Variants in FSD1L observed in about 807,000 individuals in gnomAD.
FSD1L encodes the protein fibronectin type III and SPRY domain containing 1 like.
FSD1L carries 45 observed loss-of-function variants against 71.6 expected under a neutral mutation model. That is an observed-to-expected ratio of 0.63 (90% CI 0.49 to 0.81). The LOEUF (loss-of-function observed/expected upper bound fraction) is 0.81, where lower values mean the gene tolerates loss of function less well. FSD1L is among the 30% of genes least tolerant of loss of function. The pLI is 0.00. For missense variants in FSD1L, 561 were observed against 618.1 expected, an observed-to-expected ratio of 0.91 and a Z score of 0.98; for synonymous variants, 197 against 207.2, an observed-to-expected ratio of 0.95 and a Z score of 0.42.
chr9:105,449,533 C>T (rs7847338), intron 1 of FSD1L, among the ~76,000 whole-genome samples: 5,350 of 152,242 alleles, frequency 0.035, 307 homozygotes, highest in African/African-American at 0.12. Flanking sequence ...ATGCTATTTA[C>T]TAGCTCTGTG....
At chr9:105,496,806 C>G (rs1397219754) in intron 7 of FSD1L, among the ~76,000 whole-genome samples, 3 of 152,216 alleles carry the variant, frequency 2.0e-5, no homozygotes, top group African/African-American at 7.2e-5. Context: ...CCTAGATGAT[C>G]ATGTTGTTTG....
upstream of FSD1L, chr9:105,447,966 C>A (rs946988880): frequency 2.0e-5 from 11 of 539,962 alleles, no homozygotes; most frequent in African/African-American, 2.2e-4. Flanking sequence ...ACGGCTACTT[C>A]CCGGGAGCAG....
intron 3 of FSD1L, among the ~76,000 whole-genome samples, chr9:105,464,996 G>T (rs981607984): frequency 6.6e-6 from 1 of 151,956 alleles, no homozygotes; most frequent in Admixed American, 6.6e-5. Flanking sequence ...AAAAGAAAAT[G>T]TTATTGGTAA....
At position 105,448,220 on chromosome 9, in the gene FSD1L, C is replaced by G. The variant is rs905493669; in HGVS notation, c.-1C>G. The G allele has an allele frequency of 2.3e-5, 35 of 1,537,434 alleles. No homozygotes were observed. Among genetic ancestry groups the G allele is most frequent in the Non-Finnish European group, 3.0e-5 (34 of 1,139,912 alleles). On this transcript the variant is annotated 5_prime_UTR_variant, in exon 1 of 14. Coordinates refer to ENST00000481272, the MANE Select transcript of FSD1L (RefSeq NM_001145313.3). ...GAGCCCAGTGGGCTTAGCCACTCGC[C>G]ATGGACTCCCAGAAAGTAAGCGGGG... is the stretch of plus-strand genomic sequence containing the variant.
chr9:105,468,183 T>TTGTTC lies in FSD1L; in HGVS notation c.208-9_208-8insGTTCT. ...TTCAGTAAAATTGTTTTGTTTTGTT[T>TTGTTC]TTTAAACAGGAAAATTCGTCCAACA... is the stretch of plus-strand genomic sequence containing the variant. On this transcript the variant is annotated splice_polypyrimidine_tract_variant and intron_variant, in intron 3 of 13. Transcript: ENST00000481272. 1.5e-6 allele frequency: 2 copies of TTGTTC among 1,379,212 alleles called. No individual in the cohort carries two copies. Among genetic ancestry groups the TTGTTC allele is most frequent in the East Asian group, 6.2e-5 (2 of 32,458 alleles). The allele number at this position is 1,379,212 out of a possible 1,614,324, so 85.4% of individuals were successfully genotyped here.
rs1363446990 is a variant in FSD1L at position 105,530,604 on chromosome 9, G to A, written c.1026-3889G>A. Reference sequence around the variant, plus strand: ...AAATTTTTCTCTTTATTTGTATGACGTTCACTTTCTATTTGTTGCCCTGAG... The same window carrying A: ...AAATTTTTCTCTTTATTTGTATGACATTCACTTTCTATTTGTTGCCCTGAG... On this transcript the variant is annotated intron_variant, in intron 10 of 13. Transcript: ENST00000481272. 8.7e-6 allele frequency: 6 copies of A among 688,812 alleles called. No individual in the cohort carries two copies. In the African/African-American group the frequency reaches 8.9e-5, roughly 10 times the overall value. 42.7% of individuals were successfully genotyped at this position (688,812 alleles called of 1,614,324 possible). A position where few individuals can be genotyped will look rare whatever the true frequency, so the allele number is the denominator to read the frequency against.
intron 7 of FSD1L, among the ~76,000 whole-genome samples, chr9:105,496,859 C>T (rs1833443601): frequency 6.6e-6 from 1 of 152,108 alleles, no homozygotes; most frequent in African/African-American, 2.4e-5. Flanking sequence ...ACCTGAATAC[C>T]TTGTATTGTC....
At chr9:105,477,392 G>C (rs761139959) in intron 5 of FSD1L, among the ~76,000 whole-genome samples, 1 of 152,194 alleles carries the variant, frequency 6.6e-6, no homozygotes, top group Non-Finnish European at 1.5e-5. Flanking sequence ...AATTCACCCA[G>C]GCATGATCAG....
intron 10 of FSD1L, chr9:105,524,173 A>C: frequency 6.2e-7 from 1 of 1,612,262 alleles, no homozygotes; most frequent in Non-Finnish European, 8.5e-7. Flanking sequence ...GAACTAGTCC[A>C]TGAGTCTCAT....
intron 3 of FSD1L, among the ~76,000 whole-genome samples, chr9:105,466,569 T>C (rs1295389480): frequency 6.6e-6 from 1 of 152,088 alleles, no homozygotes; most frequent in Non-Finnish European, 1.5e-5. Context: ...GGCAAGCGCC[T>C]GTAATCCCAG....
chr9:105,513,121 CT>C (rs549895959), intron 10 of FSD1L, among the ~76,000 whole-genome samples, 185 bp downstream of exon 10: 11 of 151,798 alleles, frequency 7.2e-5, no homozygotes, highest in Non-Finnish European at 1.2e-4. Flanking sequence ...TTTTTTATTA[CT>C]TTTTTTTAGT....
chr9:105,442,559 G>A, the FSD1L span, among the ~76,000 whole-genome samples: 1 of 151,814 alleles, frequency 6.6e-6, no homozygotes, highest in Non-Finnish European at 1.5e-5. Context: ...ATGGTGGCAC[G>A]TGCCTGTGGT....
At chr9:105,520,688 A>G (rs1439892788) in intron 10 of FSD1L, 11 of 1,613,592 alleles carry the variant, frequency 6.8e-6, no homozygotes, top group Non-Finnish European at 8.5e-6. Context: ...ACTGTAGCAA[A>G]GAACAGCTCT....
intron 6 of FSD1L, among the ~76,000 whole-genome samples, chr9:105,481,139 CTCTGTGTG>C (rs1007408292): frequency 1.3e-5 from 1 of 75,464 alleles, no homozygotes; most frequent in Non-Finnish European, 2.4e-5. Flanking sequence ...TTCAGGCAAA[CTCTGTGTG>C]TGTGTGTGTG....
At chr9:105,447,246 C>G (rs546770506), upstream of FSD1L, among the ~76,000 whole-genome samples, 3 of 148,458 alleles carry the variant, frequency 2.0e-5, no homozygotes, top group African/African-American at 5.0e-5. Context: ...ATTCCTGGAA[C>G]CCGGGAGGCA....
At position 105,461,606 on chromosome 9, in the gene FSD1L, CT is replaced by C; in HGVS notation, c.104del (p.Leu35CysfsTer31). On this transcript the variant is annotated frameshift_variant, in exon 2 of 14. Coordinates refer to ENST00000481272, the MANE Select transcript of FSD1L (RefSeq NM_001145313.3). LOFTEE classifies it high-confidence loss of function. ...TCACTATTGGACCAGAGTCTATTAA[CT>C]TGCAGCAGGTTGGTAGCTCTTAAAG... is the stretch of plus-strand genomic sequence containing the variant. ...NITIGPESIN[L>X]QQEALQRIIS... 6.5e-7 allele frequency: 1 copy of C among 1,547,778 alleles called. No individual in the cohort carries two copies.
chr9:105,524,615 T>C lies in FSD1L; in HGVS notation c.1026-9878T>C. The C allele has an allele frequency of 2.5e-6, 4 of 1,613,940 alleles. No homozygotes were observed. In the Admixed American group the frequency reaches 6.7e-5, roughly 27 times the overall value. On this transcript the variant is annotated intron_variant, in intron 10 of 13. Transcript: ENST00000481272. ...CAAGGTATTTTCCCATGAGCCTCTC[T>C]GATTTGGCATCTGTAGATTATGATC... is the stretch of plus-strand genomic sequence containing the variant.
At chr9:105,479,567 G>A (rs1413787524) in intron 6 of FSD1L, among the ~76,000 whole-genome samples, 191 bp downstream of exon 6, 1 of 152,180 alleles carries the variant, frequency 6.6e-6, no homozygotes, top group Non-Finnish European at 1.5e-5. Context: ...AAGCATAGTT[G>A]TGGATAATTA....
At chr9:105,529,313 T>C (rs775970605) in intron 10 of FSD1L, among the ~76,000 whole-genome samples, 10 of 152,138 alleles carry the variant, frequency 6.6e-5, no homozygotes, top group Non-Finnish European at 1.3e-4. Context: ...TACTATAAAG[T>C]CACATGCACA....
Sources: allele counts gnomAD v4.1 joint callset (sites outside exome capture counted in the v4.1 genomes callset), GRCh38; gene constraint gnomAD v4.1.1; transcripts MANE v1.5; gene names NCBI Gene and HGNC (gene_info 2026-07-23, HGNC 2026-07-21).